The following NOL12 variants were observed in gnomAD, a reference collection of about 807,000 sequenced individuals.
NOL12 encodes nucleolar protein 12.
A neutral mutation model predicts 25.2 loss-of-function variants in NOL12; 21 were observed. That is an observed-to-expected ratio of 0.83 (90% CI 0.59 to 1.20). The LOEUF is 1.20. NOL12 is among the 50% of genes most tolerant of loss of function. The pLI is 0.00. For missense variants in NOL12, 286 were observed against 287.6 expected, an observed-to-expected ratio of 0.99 and a Z score of 0.04; for synonymous variants, 133 against 113.8, an observed-to-expected ratio of 1.17 and a Z score of -1.08.
In NOL12 at chr22:37,691,477, CCAGCTGCCTTTGCCTGGGGT is replaced by C. The variant is rs61373467; in HGVS notation, c.*162_*181del. 0.32 allele frequency: 269,375 copies of C among 828,956 alleles called. 51,818 individuals are homozygous for C. Among genetic ancestry groups the C allele is most frequent in the African/African-American group, 0.53 (29,351 of 55,498 alleles). The allele number at this position is 828,956 out of a possible 1,614,324, so 51.4% of individuals were successfully genotyped here. On this transcript the variant is annotated 3_prime_UTR_variant, in exon 6 of 6. Transcript: ENST00000359114. ...AAGCCAGGACCTCTCTGGCCTGGGGCCAGCTGCCTTTGCCTGGGGTCAGCTGCCTTTGCCTGGGGTTTGAA... is the reference window on the plus strand; with the variant it reads ...AAGCCAGGACCTCTCTGGCCTGGGGCCAGCTGCCTTTGCCTGGGGTTTGAA...
rs1416165602 is a variant in NOL12, at chr22:37,688,319, A to G, written c.197A>G (p.Gln66Arg). ...EQRKLREERHQEYLKMLAERE... is the reference protein window; with the variant it reads ...EQRKLREERHREYLKMLAERE... ...CTGCCTGTGTGGTTTCAGCGCCACC[A>G]GGAATACTTGAAGATGCTGGCAGAG... The change falls in exon 3 of 6, where the codon CAG becomes CGG. Residue 66 changes from glutamine (Q) to arginine (R), a missense_variant. Transcript: ENST00000359114. 3.1e-6 allele frequency: 5 copies of G among 1,614,212 alleles called. No homozygotes were observed. Among genetic ancestry groups the G allele is most frequent in the Non-Finnish European group, 4.2e-6 (5 of 1,180,020 alleles).
Position 37,688,030 on chromosome 22 carries a change from G to A in NOL12, c.189+15G>A. ...TTCGGGAGGAGGTACGCAGGGGGAA[G>A]GTGGGAGGGAGGTCTTTGATTCTTA... On this transcript the variant is annotated intron_variant, in intron 2 of 5. Coordinates refer to ENST00000359114, the MANE Select transcript of NOL12 (RefSeq NM_024313.3). 4.6e-6 allele frequency: 7 copies of A among 1,524,508 alleles called. No homozygotes were observed. Among genetic ancestry groups the A allele is most frequent in the Non-Finnish European group, 6.2e-6 (7 of 1,121,618 alleles). 94.4% of individuals were successfully genotyped at this position (1,524,508 alleles called of 1,614,324 possible).
chr22:37,689,445 T>C (rs1408781040), intron 4 of NOL12, among the ~76,000 whole-genome samples: 1 of 152,188 alleles, frequency 6.6e-6, no homozygotes, highest in Admixed American at 6.5e-5. Context: ...GATCGTTCCC[T>C]TTGTGCGATT....
intron 5 of NOL12, 62 bp downstream of exon 5, chr22:37,690,856 C>A: frequency 7.9e-7 from 1 of 1,261,864 alleles, no homozygotes; most frequent in Non-Finnish European, 1.1e-6. Flanking sequence ...GTGACCTGGC[C>A]CTTAGGGTGG....
In NOL12 at chr22:37,691,230, A is replaced by G. The variant is rs148051532; in HGVS notation, c.536A>G (p.Lys179Arg). 17 of 1,614,084 alleles carry G rather than the reference A, an allele frequency of 1.1e-5. No homozygotes were observed. The East Asian group carries it at 1.3e-4, about 13-fold the overall frequency. ...HAHSRKKVKR[K>R]HPRRAQDSKK... ...CACAGCCGCAAAAAGGTCAAGAGGA[A>G]ACATCCCCGACGGGCCCAGGACTCC... is the stretch of plus-strand genomic sequence containing the variant. Residue 179 changes from lysine (K) to arginine (R), a missense_variant, in exon 6 of 6, where the codon AAA becomes AGA. Coordinates refer to ENST00000359114, the MANE Select transcript of NOL12 (RefSeq NM_024313.3).
intron 4 of NOL12, among the ~76,000 whole-genome samples, chr22:37,689,197 T>C (rs564746879): frequency 1.3e-5 from 2 of 152,326 alleles, no homozygotes; most frequent in East Asian, 3.9e-4. Context: ...TTTGGACCCT[T>C]CATTCCCTGC....
intron 3 of NOL12, 95 bp downstream of exon 3, chr22:37,688,455 C>T: frequency 1.5e-6 from 2 of 1,369,202 alleles, no homozygotes; most frequent in African/African-American, 1.4e-5. Context: ...CTCCTTGGCC[C>T]TAGGGATCTT....
intron 1 of NOL12, 143 bp downstream of exon 1, chr22:37,686,618 C>T: frequency 5.1e-6 from 7 of 1,371,156 alleles, no homozygotes; most frequent in Non-Finnish European, 6.5e-6. Flanking sequence ...CCTTCCAGCC[C>T]GCGTTCCCGC....
chr22:37,691,320 G>C lies in NOL12; in HGVS notation c.626G>C (p.Arg209Pro), dbSNP rs573607500. The change falls in exon 6 of 6, where the codon CGG becomes CCG. Residue 209 changes from arginine (R) to proline (P), a missense_variant. Physicochemically the swap from Arg to Pro is moderately radical, Grantham distance 103. Transcript: ENST00000359114. The stretch of plus-strand genomic sequence containing the variant: ...CGCCGCCGTCTCACAGGCAAAGCAC[G>C]GCACAGCGGGGAGTGAGACCGAGAA... ...AQRRRLTGKA[R>P]HSGE is the part of the protein sequence containing the mutation. 2.5e-6 allele frequency: 4 copies of C among 1,611,038 alleles called. No homozygotes were observed. The highest frequency in any genetic ancestry group is 2.5e-6 in the Non-Finnish European group (3 of 1,178,526).
chr22:37,689,631 A>G (rs1921979998), intron 4 of NOL12, among the ~76,000 whole-genome samples: 1 of 152,244 alleles, frequency 6.6e-6, no homozygotes, highest in African/African-American at 2.4e-5. Flanking sequence ...GGGTGTGCCT[A>G]AGGATTTATG....
intron 2 of NOL12, 147 bp from the exon 3 acceptor site, chr22:37,688,165 C>G (rs944308821): frequency 9.3e-7 from 1 of 1,076,334 alleles, no homozygotes; most frequent in South Asian, 1.4e-5. Context: ...TCTGTGGGCC[C>G]GGGTCTGGGA....
chr22:37,691,347 G>C lies in NOL12; in HGVS notation c.*11G>C. On this transcript the variant is annotated 3_prime_UTR_variant, in exon 6 of 6. Transcript: ENST00000359114. ...CACAGCGGGGAGTGAGACCGAGAAC[G>C]AAGCGGTGCCCCAGTCTAGGCTGCG... The C allele has an allele frequency of 6.3e-7, 1 of 1,598,452 alleles. No individual in the cohort carries two copies.
rs558664485 is a variant in NOL12 at position 37,693,411 on chromosome 22, G to A, written c.*2075G>A. 2 of 152,568 alleles carry A rather than the reference G, an allele frequency of 1.3e-5. No individual in the cohort carries two copies. The highest frequency in any genetic ancestry group is 1.3e-4 in the Admixed American group (2 of 15,290). 9.5% of individuals were successfully genotyped at this position (152,568 alleles called of 1,614,324 possible). A position where few individuals can be genotyped will look rare whatever the true frequency, so the allele number is the denominator to read the frequency against. On this transcript the variant is annotated 3_prime_UTR_variant, in exon 6 of 6. Coordinates refer to ENST00000359114, the MANE Select transcript of NOL12 (RefSeq NM_024313.3). ...TCCTTCTCCCCTCTCCAGTGACAAG[G>A]TCATTTACAACTTACATTTACAATT...
chr22:37,686,577 C>A, intron 1 of NOL12, 102 bp downstream of exon 1: 2 of 1,404,240 alleles, frequency 1.4e-6, no homozygotes, highest in Non-Finnish European at 1.8e-6. Context: ...TCCGGTCCCG[C>A]CCCCTGGCGT....
At chr22:37,688,600 C>T (rs1037373526) in intron 3 of NOL12, among the ~76,000 whole-genome samples, 6 of 152,116 alleles carry the variant, frequency 3.9e-5, no homozygotes, top group African/African-American at 2.4e-5. Context: ...ATGGAAAGGA[C>T]TAGGGGTGGA....
intron 1 of NOL12, 33 bp from the exon 2 acceptor site, chr22:37,687,877 A>T: frequency 6.7e-7 from 1 of 1,503,566 alleles, no homozygotes; most frequent in Non-Finnish European, 9.1e-7. Context: ...TTGTATAATG[A>T]CTCTCCTGTC....
intron 4 of NOL12, 27 bp from the exon 5 acceptor site, chr22:37,690,670 G>GT: frequency 6.3e-7 from 1 of 1,575,724 alleles, no homozygotes; most frequent in Non-Finnish European, 8.7e-7. Context: ...ACTGCTCCAT[G>GT]TAAGTCATTG....
At position 37,692,072 on chromosome 22, in the gene NOL12, T is replaced by G. The variant is rs565592196; in HGVS notation, c.*736T>G. ...ATTAATTAATTCTTTCTAAAGCAGT[T>G]GCAGCCGGGCTTGGTGGCTCACGCC... On this transcript the variant is annotated 3_prime_UTR_variant, in exon 6 of 6. Coordinates refer to ENST00000359114, the MANE Select transcript of NOL12 (RefSeq NM_024313.3). 6.4e-6 allele frequency: 1 copy of G among 155,854 alleles called. No homozygotes were observed. Among genetic ancestry groups the G allele is most frequent in the East Asian group, 1.9e-4 (1 of 5,374 alleles). 9.7% of individuals were successfully genotyped at this position (155,854 alleles called of 1,614,324 possible).
At position 37,690,730 on chromosome 22, in the gene NOL12, T is replaced by G; in HGVS notation, c.415T>G (p.Ser139Ala). Residue 139 changes from serine to alanine, a missense_variant, in exon 5 of 6, where the codon TCA becomes GCA. Coordinates refer to ENST00000359114, the MANE Select transcript of NOL12 (RefSeq NM_024313.3). Reference protein sequence around the residue: ...GAGDRSEEEASSTEKPTKALP... With the variant: ...GAGDRSEEEAASTEKPTKALP... ...TGGAGACAGGTCTGAGGAGGAGGCG[T>G]CATCCACGGAGAAACCAACCAAAGC... is the stretch of plus-strand genomic sequence containing the variant. 1 of 1,613,756 alleles carries G rather than the reference T, an allele frequency of 6.2e-7. No homozygotes were observed. The highest frequency in any genetic ancestry group is 8.5e-7 in the Non-Finnish European group (1 of 1,179,758).
Sources: allele counts gnomAD v4.1 joint callset (sites outside exome capture counted in the v4.1 genomes callset), GRCh38; gene constraint gnomAD v4.1.1; transcripts MANE v1.5; gene names NCBI Gene and HGNC (gene_info 2026-07-23, HGNC 2026-07-21).